Variants in FRAS1 observed in about 807,000 individuals in gnomAD.
The protein encoded by FRAS1 is Fraser extracellular matrix complex subunit 1.
Under a neutral mutation model 435.2 loss-of-function variants are expected in FRAS1, and 290 were observed. That is an observed-to-expected ratio of 0.67 (90% CI 0.61 to 0.73). The LOEUF is 0.73. FRAS1 is among the 30% of genes least tolerant of loss of function. The pLI is 0.00. For synonymous variants in FRAS1, 1,800 were observed against 1,851.0 expected, an observed-to-expected ratio of 0.97 and a Z score of 0.71; for missense variants, 4,860 against 5,001.5, an observed-to-expected ratio of 0.97 and a Z score of 0.85.
intron 55 of FRAS1, among the ~76,000 whole-genome samples, chr4:78,478,587 A>C (rs983340496): frequency 6.6e-6 from 1 of 152,208 alleles, no homozygotes; most frequent in Admixed American, 6.5e-5. Flanking sequence ...TGTTGATAAA[A>C]GGGCAATTCT....
chr4:78,103,842 C>T (rs1742253274), intron 2 of FRAS1, among the ~76,000 whole-genome samples: 1 of 152,160 alleles, frequency 6.6e-6, no homozygotes, highest in South Asian at 2.1e-4. Flanking sequence ...TATAAGCTAC[C>T]CAATGTAAAA....
intron 59 of FRAS1, among the ~76,000 whole-genome samples, chr4:78,491,149 A>G (rs568675058): frequency 6.6e-6 from 1 of 152,352 alleles, no homozygotes; most frequent in African/African-American, 2.4e-5. Flanking sequence ...AAGTTCTGAA[A>G]TTGAGGCAGT....
intron 2 of FRAS1, among the ~76,000 whole-genome samples, chr4:78,134,436 T>C (rs1719836857): frequency 6.6e-6 from 1 of 152,204 alleles, no homozygotes. Flanking sequence ...GTACTGGGCC[T>C]GTAATCACAT....
At chr4:78,407,904 T>C in intron 31 of FRAS1, 63 bp downstream of exon 31, 1 of 1,370,524 alleles carries the variant, frequency 7.3e-7, no homozygotes, top group South Asian at 1.7e-5. Flanking sequence ...CGCTCTTATT[T>C]ATAATCAACT....
intron 13 of FRAS1, 113 bp from the exon 14 acceptor site, chr4:78,286,292 C>G: frequency 8.4e-7 from 1 of 1,187,540 alleles, no homozygotes; most frequent in Non-Finnish European, 1.2e-6. Flanking sequence ...TCTGCATTTT[C>G]TGTTTGGGAC....
intron 2 of FRAS1, among the ~76,000 whole-genome samples, chr4:78,148,938 C>A (rs1247502065): frequency 2.6e-5 from 4 of 152,190 alleles, no homozygotes. Flanking sequence ...TGATTGGCAG[C>A]AGAAGGACCC....
At chr4:78,121,300 G>A (rs1399811562) in intron 2 of FRAS1, among the ~76,000 whole-genome samples, 1 of 152,188 alleles carries the variant, frequency 6.6e-6, no homozygotes, top group East Asian at 1.9e-4. Context: ...TATTTGGTCT[G>A]GTGCCTGACT....
At chr4:78,268,308 G>C (rs1012026318) in intron 9 of FRAS1, among the ~76,000 whole-genome samples, 1 of 152,140 alleles carries the variant, frequency 6.6e-6, no homozygotes, top group Non-Finnish European at 1.5e-5. Context: ...TTTCAGACAT[G>C]GCTGTCATCG....
intron 2 of FRAS1, among the ~76,000 whole-genome samples, chr4:78,133,336 T>C (rs1719768323): frequency 1.3e-5 from 2 of 150,404 alleles, no homozygotes. Flanking sequence ...ATTGAACTCA[T>C]GGAGATAGAA....
At chr4:78,381,140 C>A (rs549512662) in intron 27 of FRAS1, among the ~76,000 whole-genome samples, 2 of 152,222 alleles carry the variant, frequency 1.3e-5, no homozygotes, top group Non-Finnish European at 1.5e-5. Context: ...ATGATTTCTG[C>A]CTCCCTAATA....
intron 30 of FRAS1, among the ~76,000 whole-genome samples, chr4:78,406,397 A>G (rs1280549859): frequency 2.0e-5 from 3 of 152,226 alleles, no homozygotes; most frequent in East Asian, 1.9e-4. Context: ...ACAGTTCCAC[A>G]TGGCTGGGGA....
At chr4:78,439,738 C>G (rs892382031) in intron 40 of FRAS1, among the ~76,000 whole-genome samples, 5 of 152,034 alleles carry the variant, frequency 3.3e-5, no homozygotes, top group Non-Finnish European at 7.4e-5. Context: ...TCAAGCAATC[C>G]TCCCCGCTCA....
chr4:78,460,208 C>T (rs1022363082), intron 47 of FRAS1, among the ~76,000 whole-genome samples: 8 of 152,198 alleles, frequency 5.3e-5, no homozygotes, highest in Non-Finnish European at 1.2e-4. Context: ...AAGGCAATTT[C>T]TTCAGAGATG....
chr4:78,252,557 T>C lies in FRAS1; in HGVS notation c.469+6T>C. On this transcript the variant is annotated splice_donor_region_variant and intron_variant, in intron 5 of 73. Coordinates refer to ENST00000512123, the MANE Select transcript of FRAS1 (RefSeq NM_025074.7). ...AGTTTGTGTGGGCCTTGGGAGTGAGTATGAGCTTGTAGAAGGGGACCCTCT... is the reference window on the plus strand; with the variant it reads ...AGTTTGTGTGGGCCTTGGGAGTGAGCATGAGCTTGTAGAAGGGGACCCTCT... 1 of 1,610,204 alleles carries C rather than the reference T, an allele frequency of 6.2e-7. No homozygotes were observed. The highest frequency in any genetic ancestry group is 8.5e-7 in the Non-Finnish European group (1 of 1,178,302).
intron 55 of FRAS1, among the ~76,000 whole-genome samples, chr4:78,478,878 G>C (rs902183159): frequency 6.6e-6 from 1 of 152,210 alleles, no homozygotes; most frequent in South Asian, 2.1e-4. Flanking sequence ...GGAAGTGGCA[G>C]CCCTAATAAG....
At position 78,481,820 on chromosome 4, in the gene FRAS1, A is replaced by G. The variant is rs200879198; in HGVS notation, c.8460A>G (p.Pro2820=). 117 of 1,613,804 alleles carry G rather than the reference A, an allele frequency of 7.2e-5. No homozygotes were observed. Among genetic ancestry groups the G allele is most frequent in the Admixed American group, 3.3e-5 (2 of 60,004 alleles). ...VSEDAGTVKI[P]VIRHGTDLST... is the part of the protein sequence containing the mutation. Reference sequence around the variant, plus strand: ...TTAATTCAGGCACAGTAAAGATTCCAGTTATCCGCCATGGTACTGACCTCT... The same window carrying G: ...TTAATTCAGGCACAGTAAAGATTCCGGTTATCCGCCATGGTACTGACCTCT... The change falls in exon 57 of 74, where the codon CCA becomes CCG. Residue 2820 remains proline, a synonymous_variant. Coordinates refer to ENST00000512123, the MANE Select transcript of FRAS1 (RefSeq NM_025074.7).
At chr4:78,330,090 C>A (rs1215571912) in intron 18 of FRAS1, among the ~76,000 whole-genome samples, 4 of 152,188 alleles carry the variant, frequency 2.6e-5, no homozygotes, top group African/African-American at 9.7e-5. Context: ...AACAGAGGGA[C>A]CGGCTGAAGC....
intron 6 of FRAS1, among the ~76,000 whole-genome samples, chr4:78,262,373 A>G (rs1040670399): frequency 3.9e-5 from 6 of 152,176 alleles, no homozygotes; most frequent in Non-Finnish European, 8.8e-5. Flanking sequence ...GAAAGATATT[A>G]AGGGAGGTGA....
At chr4:78,161,485 G>T (rs543472588) in intron 2 of FRAS1, among the ~76,000 whole-genome samples, 1 of 151,882 alleles carries the variant, frequency 6.6e-6, no homozygotes, top group African/African-American at 2.4e-5. Flanking sequence ...TGATTGTTTT[G>T]GTGATTAAAT....
Sources: allele counts gnomAD v4.1 joint callset (sites outside exome capture counted in the v4.1 genomes callset), GRCh38; gene constraint gnomAD v4.1.1; transcripts MANE v1.5; gene names NCBI Gene and HGNC (gene_info 2026-07-23, HGNC 2026-07-21).